The following NBEA variants were observed in gnomAD, a reference collection of about 807,000 sequenced individuals.
The protein encoded by NBEA is neurobeachin.
In NBEA, 44 loss-of-function variants were observed where a neutral mutation model predicts 343.4. The observed-to-expected ratio is 0.13, with a 90% CI of 0.10 to 0.16. NBEA has a LOEUF of 0.16. Ranked by LOEUF, NBEA falls within the 10% of genes least tolerant of loss-of-function variation. The probability of loss-of-function intolerance (pLI) is 1.00; values close to 1 mark genes in which losing one functional copy is unlikely to be tolerated. For synonymous variants in NBEA, 1,175 were observed against 1,238.7 expected, an observed-to-expected ratio of 0.95 and a Z score of 1.08; for missense variants, 2,555 against 3,631.3, an observed-to-expected ratio of 0.70 and a Z score of 7.62.
chr13:35,035,188 A>G (rs1350943367), intron 1 of NBEA, among the ~76,000 whole-genome samples: 1 of 151,780 alleles, frequency 6.6e-6, no homozygotes, highest in Non-Finnish European at 1.5e-5. Flanking sequence ...CTTTTGTTGT[A>G]TCCCATAGGT....
intron 43 of NBEA, among the ~76,000 whole-genome samples, chr13:35,552,593 A>G (rs1006532786): frequency 3.3e-5 from 5 of 152,200 alleles, no homozygotes; most frequent in African/African-American, 1.2e-4. Flanking sequence ...TATTTGTTTA[A>G]TCATCAATTC....
At chr13:35,450,172 T>A (rs1349712429) in intron 39 of NBEA, among the ~76,000 whole-genome samples, 14 of 152,108 alleles carry the variant, frequency 9.2e-5, no homozygotes, top group Admixed American at 9.2e-4. Flanking sequence ...CAGCCAGATG[T>A]ACTTGCAAGA....
intron 30 of NBEA, among the ~76,000 whole-genome samples, chr13:35,193,935 A>T (rs541315709): frequency 9.2e-5 from 14 of 152,100 alleles, no homozygotes; most frequent in African/African-American, 3.1e-4. Flanking sequence ...AGTATTTGAT[A>T]TTAGGAATAT....
chr13:35,142,636 A>G (rs1053852211), intron 18 of NBEA, among the ~76,000 whole-genome samples: 1 of 152,092 alleles, frequency 6.6e-6, no homozygotes, highest in Non-Finnish European at 1.5e-5. Flanking sequence ...CTTCACACAA[A>G]GTCTTTCTCA....
intron 1 of NBEA, among the ~76,000 whole-genome samples, chr13:34,969,959 G>A (rs1566104240): frequency 6.6e-6 from 1 of 152,108 alleles, no homozygotes; most frequent in Non-Finnish European, 1.5e-5. Context: ...TTAGGTCTTT[G>A]AGAAATCATT....
At chr13:34,989,789 G>A (rs536796807) in intron 1 of NBEA, among the ~76,000 whole-genome samples, 10 of 150,836 alleles carry the variant, frequency 6.6e-5, no homozygotes, top group African/African-American at 2.4e-4. Context: ...TTTCATCTGG[G>A]ACAAGGCACG....
chr13:35,023,582 C>G (rs1226679068), intron 1 of NBEA, among the ~76,000 whole-genome samples: 1 of 151,954 alleles, frequency 6.6e-6, no homozygotes, highest in Non-Finnish European at 1.5e-5. Flanking sequence ...TAAGTTGGGC[C>G]TTGAAGACAT....
chr13:35,377,395 A>G (rs1367251578), intron 38 of NBEA, among the ~76,000 whole-genome samples: 1 of 152,234 alleles, frequency 6.6e-6, no homozygotes, highest in African/African-American at 2.4e-5. Flanking sequence ...GAGGCTGGCC[A>G]TGAGAAGGAA....
chr13:35,205,128 GT>G (rs1244155178), intron 31 of NBEA, among the ~76,000 whole-genome samples: 1 of 152,136 alleles, frequency 6.6e-6, no homozygotes, highest in Non-Finnish European at 1.5e-5. Flanking sequence ...AAGGGAAGGG[GT>G]AATGTTGGTG....
intron 40 of NBEA, among the ~76,000 whole-genome samples, chr13:35,459,959 T>C (rs907430719): frequency 6.6e-6 from 1 of 152,208 alleles, no homozygotes. Flanking sequence ...ATCCATCTGC[T>C]TAAGCCTAAC....
intron 45 of NBEA, among the ~76,000 whole-genome samples, chr13:35,582,997 G>GT (rs1233398801): frequency 6.6e-6 from 1 of 152,098 alleles, no homozygotes; most frequent in African/African-American, 2.4e-5. Flanking sequence ...TAGTACTCTT[G>GT]TTTTCTCTGT....
intron 1 of NBEA, among the ~76,000 whole-genome samples, chr13:34,966,660 G>A (rs117590881): frequency 0.046 from 6,798 of 147,070 alleles, 234 homozygotes; most frequent in Non-Finnish European, 0.068. Context: ...CTGTGTATGT[G>A]TGTGTACCTG....
At chr13:35,059,935 T>C (rs2063407753) in intron 8 of NBEA, among the ~76,000 whole-genome samples, 1 of 151,910 alleles carries the variant, frequency 6.6e-6, no homozygotes, top group African/African-American at 2.4e-5. Flanking sequence ...TGGTTTTGTC[T>C]TACTAGCTCT....
chr13:35,176,936 G>C, intron 27 of NBEA, 60 bp from the exon 28 acceptor site: 1 of 1,124,926 alleles, frequency 8.9e-7, no homozygotes, highest in Non-Finnish European at 1.3e-6. Flanking sequence ...ATTAAGAAGT[G>C]ATACTTCTAT....
intron 55 of NBEA, among the ~76,000 whole-genome samples, chr13:35,662,332 C>T (rs1422401319): frequency 1.3e-5 from 2 of 152,192 alleles, no homozygotes; most frequent in African/African-American, 4.8e-5. Context: ...CTGAGGGCAA[C>T]GGCGGTGGCC....
At chr13:35,476,113 A>C in intron 41 of NBEA, 6 of 1,614,152 alleles carry the variant, frequency 3.7e-6, no homozygotes, top group Non-Finnish European at 5.1e-6. Context: ...CAGATGGTAG[A>C]CCAGCTTGGC....
At position 35,155,870 on chromosome 13, in the gene NBEA, G is replaced by A. The variant is rs1287188537; in HGVS notation, c.2527+15G>A. ...TCAGAATCCAAGTGAGCAAATGGCA[G>A]TTCTTTACTGTATTGTGGTAGGCGC... On this transcript the variant is annotated intron_variant, in intron 19 of 58. Transcript: ENST00000379939. 4 of 1,596,988 alleles carry A rather than the reference G, an allele frequency of 2.5e-6. No homozygotes were observed. The highest frequency in any genetic ancestry group is 3.4e-6 in the Non-Finnish European group (4 of 1,164,652).
At chr13:35,422,853 A>G (rs978996575) in intron 38 of NBEA, among the ~76,000 whole-genome samples, 79 of 152,104 alleles carry the variant, frequency 5.2e-4, no homozygotes, top group African/African-American at 1.4e-3. Flanking sequence ...ACTGGTGTGA[A>G]ATGGTATCTC....
In NBEA at chr13:35,159,337, T is replaced by G; in HGVS notation, c.3166T>G (p.Leu1056Val). Residue 1056 changes from leucine (L) to valine (V), a missense_variant, in exon 22 of 59, where the codon TTA becomes GTA. Leu to Val is a conservative substitution (Grantham distance 32). This residue lies in a region of NBEA where 367 missense variants were observed against 377.5 expected (regional missense o/e 0.97). Transcript: ENST00000379939. Reference sequence around the variant, plus strand: ...TGTACATGTGGAAGTACATGATCTTTTAGTAGATATAAAAGCAGAGAAAGT... The same window carrying G: ...TGTACATGTGGAAGTACATGATCTTGTAGTAGATATAAAAGCAGAGAAAGT... ...SGVHVEVHDLLVDIKAEKVEA... is the reference protein window; with the variant it reads ...SGVHVEVHDLVVDIKAEKVEA... The G allele has an allele frequency of 6.2e-7, 1 of 1,613,510 alleles. No individual in the cohort carries two copies. The highest frequency in any genetic ancestry group is 8.5e-7 in the Non-Finnish European group (1 of 1,179,666).
Sources: gnomAD v4.1 joint callset for allele counts (sites outside exome capture counted in the v4.1 genomes callset) on GRCh38, gnomAD v4.1.1 for gene constraint, gnomAD v4.1.1 regional missense constraint, MANE v1.5 for transcripts, NCBI Gene and HGNC (gene_info 2026-07-23, HGNC 2026-07-21) for gene names.